Variants in OPCML observed in about 807,000 individuals in gnomAD.
OPCML encodes opioid-binding protein/cell adhesion molecule.
A neutral mutation model predicts 37.8 loss-of-function variants in OPCML; 13 were observed. The observed-to-expected ratio is 0.34, with a 90% CI of 0.22 to 0.55. The LOEUF (loss-of-function observed/expected upper bound fraction) is 0.55. OPCML is among the 20% of genes least tolerant of loss of function. The pLI is 0.91. For missense variants in OPCML, 341 were observed against 435.6 expected, an observed-to-expected ratio of 0.78 and a Z score of 1.93; for synonymous variants, 176 against 168.8, an observed-to-expected ratio of 1.04 and a Z score of -0.33.
chr11:132,909,248 T>A (rs780905319), intron 2 of OPCML, among the ~76,000 whole-genome samples: 19 of 152,228 alleles, frequency 1.2e-4, no homozygotes, highest in Non-Finnish European at 1.9e-4. Context: ...TCTAATGGTA[T>A]GTTAATAATT....
intron 1 of OPCML, among the ~76,000 whole-genome samples, chr11:133,352,914 C>T (rs182125937): frequency 6.6e-6 from 1 of 152,200 alleles, no homozygotes; most frequent in African/African-American, 2.4e-5. Flanking sequence ...TGTTTCCTCA[C>T]CTGCTAAATA....
rs1182214403 is a variant in OPCML, at chr11:133,210,407, C to T, written c.62-267397G>A. Among the ~76,000 whole-genome samples the T allele has an allele frequency of 2.0e-5, 3 of 152,282 alleles. No individual in the cohort carries two copies. In the East Asian group the frequency reaches 5.8e-4, roughly 29 times the overall value. ...TCCCGCCAGCCCCTCCCTTCTCTCT[C>T]CCTCTTCCCAGGTTGCCCCACTGCA... On this transcript the variant is annotated intron_variant, in intron 1 of 7. Coordinates refer to ENST00000524381, the MANE Select transcript of OPCML (RefSeq NM_001012393.5).
At chr11:132,692,489 T>C (rs574116301) in intron 2 of OPCML, among the ~76,000 whole-genome samples, 2 of 152,324 alleles carry the variant, frequency 1.3e-5, no homozygotes, top group Non-Finnish European at 2.9e-5. Context: ...TATTGCTCCA[T>C]ATTCAGTCTT....
intron 2 of OPCML, among the ~76,000 whole-genome samples, chr11:132,833,966 G>A (rs1325105706): frequency 6.6e-6 from 1 of 152,190 alleles, no homozygotes; most frequent in Non-Finnish European, 1.5e-5. Flanking sequence ...AGTATTAATA[G>A]TTTAGAACAA....
chr11:132,632,241 ATTTTTTTTTT>A (rs67176157), intron 3 of OPCML, among the ~76,000 whole-genome samples: 4 of 111,584 alleles, frequency 3.6e-5, no homozygotes, highest in African/African-American at 1.1e-4. Flanking sequence ...ATTCAAACAC[ATTTTTTTTTT>A]TTTTTTTTTT....
intron 1 of OPCML, among the ~76,000 whole-genome samples, chr11:133,362,756 G>A (rs1944451954): frequency 6.6e-6 from 1 of 152,062 alleles, no homozygotes; most frequent in South Asian, 2.1e-4. Context: ...AGGATAAGAG[G>A]AGATCCGTTC....
chr11:133,168,978 A>G (rs1260475826), intron 1 of OPCML, among the ~76,000 whole-genome samples: 1 of 151,986 alleles, frequency 6.6e-6, no homozygotes. Flanking sequence ...AAAATACAAA[A>G]AGCTAGCTGG....
At chr11:132,560,077 T>C (rs2096407260) in intron 3 of OPCML, among the ~76,000 whole-genome samples, 1 of 152,212 alleles carries the variant, frequency 6.6e-6, no homozygotes, top group Admixed American at 6.5e-5. Flanking sequence ...AATTGATACT[T>C]TGTATGTGCC....
At chr11:133,267,559 A>G (rs1025737169) in intron 1 of OPCML, among the ~76,000 whole-genome samples, 30 of 152,332 alleles carry the variant, frequency 2.0e-4, no homozygotes, top group African/African-American at 6.3e-4. Flanking sequence ...AATATAATGG[A>G]ATTTTATCAA....
intron 3 of OPCML, among the ~76,000 whole-genome samples, chr11:132,606,034 C>T (rs764308883): frequency 6.6e-6 from 1 of 152,112 alleles, no homozygotes; most frequent in Non-Finnish European, 1.5e-5. Context: ...TTTTCTGGTA[C>T]TTGGGTCCTT....
At chr11:133,001,468 G>A (rs963443955) in intron 1 of OPCML, among the ~76,000 whole-genome samples, 2 of 152,188 alleles carry the variant, frequency 1.3e-5, no homozygotes, top group Admixed American at 1.3e-4. Context: ...GGTGACTTTA[G>A]CATTAGTCTT....
At chr11:133,036,303 A>G (rs960565078) in intron 1 of OPCML, among the ~76,000 whole-genome samples, 2 of 152,234 alleles carry the variant, frequency 1.3e-5, no homozygotes, top group African/African-American at 4.8e-5. Flanking sequence ...AAAAATAAAT[A>G]TGGAATAAAT....
In OPCML at chr11:133,050,992, T is replaced by C. The variant is rs150012408; in HGVS notation, c.62-107982A>G. ...CCCCAGAATGTTAAAATATTTTGCA[T>C]ACAGCCAGAAGAGATCCATCTCAGA... On this transcript the variant is annotated intron_variant, in intron 1 of 7. Coordinates refer to ENST00000524381, the MANE Select transcript of OPCML (RefSeq NM_001012393.5). Among the ~76,000 whole-genome samples, 347 of 152,036 alleles carry C rather than the reference T, an allele frequency of 2.3e-3. 2 individuals carry two copies. The highest frequency in any genetic ancestry group is 8.1e-3 in the African/African-American group (334 of 41,458).
At chr11:133,052,478 T>C (rs781599754) in intron 1 of OPCML, among the ~76,000 whole-genome samples, 2 of 152,204 alleles carry the variant, frequency 1.3e-5, no homozygotes, top group African/African-American at 2.4e-5. Context: ...ATCTTGACAC[T>C]GTCTGCAGGA....
At chr11:132,624,670 A>C (rs922657167) in intron 3 of OPCML, among the ~76,000 whole-genome samples, 4 of 152,044 alleles carry the variant, frequency 2.6e-5, no homozygotes, top group Non-Finnish European at 2.9e-5. Flanking sequence ...TGTTGGTCTC[A>C]TTGATCATAG....
intron 1 of OPCML, among the ~76,000 whole-genome samples, chr11:133,458,937 T>C (rs1022753358): frequency 6.6e-6 from 1 of 151,402 alleles, no homozygotes; most frequent in Non-Finnish European, 1.5e-5. Flanking sequence ...CCAGTAAACA[T>C]AAATACATTA....
chr11:132,592,440 AG>A (rs1251279402), intron 3 of OPCML, among the ~76,000 whole-genome samples: 5 of 152,242 alleles, frequency 3.3e-5, no homozygotes, highest in Admixed American at 2.0e-4. Context: ...TTACCATAAT[AG>A]GTTGAGAGAC....
chr11:132,911,225 A>G (rs1282713472), intron 2 of OPCML, among the ~76,000 whole-genome samples: 7 of 152,236 alleles, frequency 4.6e-5, no homozygotes, highest in Non-Finnish European at 1.0e-4. Context: ...TTTGCGAAGA[A>G]TTTCAAGAGA....
At chr11:133,476,259 C>A (rs527990801) in intron 1 of OPCML, among the ~76,000 whole-genome samples, 31 of 152,312 alleles carry the variant, frequency 2.0e-4, no homozygotes, top group Admixed American at 7.2e-4. Context: ...CATCTACTTA[C>A]TCTCCCAAAG....
Sources: gnomAD v4.1 joint callset for allele counts (sites outside exome capture counted in the v4.1 genomes callset) on GRCh38, gnomAD v4.1.1 for gene constraint, MANE v1.5 for transcripts, NCBI Gene and HGNC (gene_info 2026-07-23, HGNC 2026-07-21) for gene names.